CSMD1: variants seen among roughly 807,000 people sequenced by gnomAD.
The protein encoded by CSMD1 is CUB and Sushi multiple domains 1.
CSMD1 carries 213 observed loss-of-function variants against 417.5 expected under a neutral mutation model. The ratio of observed to expected loss-of-function variants is 0.51; its 90% CI spans 0.46 to 0.57. The LOEUF is 0.57. CSMD1 is among the 20% of genes least tolerant of loss of function. The probability of loss-of-function intolerance (pLI) is 0.00; values close to 1 mark genes in which losing one functional copy is unlikely to be tolerated. For synonymous variants in CSMD1, 2,862 were observed against 1,736.8 expected (o/e 1.65, Z -16.11); for missense variants, 6,923 against 4,529.7 (o/e 1.53, Z -15.17).
chr8:3,092,629 T>C (rs1815020233), intron 47 of CSMD1, among the ~76,000 whole-genome samples: 1 of 152,220 alleles, frequency 6.6e-6, no homozygotes, highest in Non-Finnish European at 1.5e-5. Flanking sequence ...CTATGGTATT[T>C]GAAATTGTTT....
chr8:4,287,731 A>T (rs950794648), intron 3 of CSMD1, among the ~76,000 whole-genome samples: 5 of 151,740 alleles, frequency 3.3e-5, no homozygotes, highest in African/African-American at 1.2e-4. Flanking sequence ...CAAGTTACAC[A>T]ACATCACACA....
chr8:4,673,140 T>A (rs775001323), intron 1 of CSMD1, among the ~76,000 whole-genome samples: 1 of 151,636 alleles, frequency 6.6e-6, no homozygotes, highest in Admixed American at 6.6e-5. Flanking sequence ...ACTGAGGACA[T>A]TGAGGGGAAA....
chr8:3,691,088 C>A (rs374940251), intron 7 of CSMD1, among the ~76,000 whole-genome samples: 1 of 151,990 alleles, frequency 6.6e-6, no homozygotes, highest in African/African-American at 2.4e-5. Flanking sequence ...ATCAATGGGC[C>A]GGGCTTGGTG....
Position 4,891,735 on chromosome 8 carries a change from GAATT to G in CSMD1, c.85+102593_85+102596del, listed in dbSNP as rs537095395. ...TTAAAGAGTTTTCAAATAAAATACT[GAATT>G]AATTATTTCCCAAAACTCCCTAGTT... On this transcript the variant is annotated intron_variant, in intron 1 of 69. Transcript: ENST00000635120. 3.0e-4 allele frequency among the ~76,000 whole-genome samples: 45 copies of G among 152,126 alleles called. No individual in the cohort carries two copies. The East Asian group carries it at 3.7e-3, about 12-fold the overall frequency.
At chr8:3,890,869 G>A (rs1180166150) in intron 5 of CSMD1, among the ~76,000 whole-genome samples, 1 of 152,110 alleles carries the variant, frequency 6.6e-6, no homozygotes, top group Non-Finnish European at 1.5e-5. Context: ...ATGAGAGGAT[G>A]AAAGAGCAAG....
intron 41 of CSMD1, among the ~76,000 whole-genome samples, chr8:3,136,889 C>G (rs1439789637): frequency 6.6e-6 from 1 of 152,062 alleles, no homozygotes; most frequent in Non-Finnish European, 1.5e-5. Context: ...CATGAATTGG[C>G]TAAATTTTTT....
chr8:4,188,816 T>C (rs1798840556), intron 3 of CSMD1, among the ~76,000 whole-genome samples: 1 of 150,752 alleles, frequency 6.6e-6, no homozygotes, highest in South Asian at 2.1e-4. Context: ...TGGGGGAGGA[T>C]GGTAATTGGG....
chr8:4,598,743 T>C (rs1478786581), intron 2 of CSMD1, among the ~76,000 whole-genome samples: 1 of 152,226 alleles, frequency 6.6e-6, no homozygotes, highest in African/African-American at 2.4e-5. Context: ...TTTATGTTTA[T>C]TGAAGCAAAA....
At chr8:3,391,902 T>C (rs1168110383) in intron 17 of CSMD1, among the ~76,000 whole-genome samples, 1 of 152,062 alleles carries the variant, frequency 6.6e-6, no homozygotes, top group Non-Finnish European at 1.5e-5. Context: ...ACAGAAGAGA[T>C]GAGCAATATT....
chr8:4,177,590 TG>T (rs1798124269), intron 3 of CSMD1, among the ~76,000 whole-genome samples: 1 of 150,654 alleles, frequency 6.6e-6, no homozygotes, highest in African/African-American at 2.4e-5. Flanking sequence ...AGAGCAGAAC[TG>T]AAGGAAATAG....
At chr8:4,845,840 T>A (rs1169004581) in intron 1 of CSMD1, among the ~76,000 whole-genome samples, 2 of 152,216 alleles carry the variant, frequency 1.3e-5, no homozygotes, top group African/African-American at 4.8e-5. Flanking sequence ...TACATACGAT[T>A]TGTAGCTGAA....
At chr8:4,017,096 G>A (rs899301545) in intron 4 of CSMD1, among the ~76,000 whole-genome samples, 2 of 152,120 alleles carry the variant, frequency 1.3e-5, no homozygotes, top group East Asian at 1.9e-4. Context: ...CAGTGACCGC[G>A]GTGTTCAGCC....
At chr8:3,420,178 G>A (rs147751321) in intron 12 of CSMD1, among the ~76,000 whole-genome samples, 11 of 152,058 alleles carry the variant, frequency 7.2e-5, no homozygotes, top group Non-Finnish European at 1.3e-4. Context: ...TTTGATAAAA[G>A]TCCTTAAAAG....
chr8:3,349,760 C>T (rs1808268515), intron 21 of CSMD1, among the ~76,000 whole-genome samples: 1 of 141,574 alleles, frequency 7.1e-6, no homozygotes, highest in Admixed American at 7.2e-5. Context: ...ATAGTTATAG[C>T]TATAAAATAG....
intron 6 of CSMD1, among the ~76,000 whole-genome samples, chr8:3,729,908 T>G (rs1190910428): frequency 8.7e-6 from 1 of 114,880 alleles, no homozygotes; most frequent in African/African-American, 3.7e-5. Context: ...GAATTATTAT[T>G]TGCCAATTCA....
intron 3 of CSMD1, among the ~76,000 whole-genome samples, chr8:4,308,973 T>A (rs920709674): frequency 1.1e-4 from 16 of 152,204 alleles, no homozygotes; most frequent in African/African-American, 1.9e-4. Flanking sequence ...CCTTCTGACA[T>A]AATGTTGAAC....
chr8:4,409,228 G>C (rs958002998), intron 3 of CSMD1, among the ~76,000 whole-genome samples: 1 of 152,016 alleles, frequency 6.6e-6, no homozygotes, highest in South Asian at 2.1e-4. Flanking sequence ...GATGAAATTC[G>C]AATGCATTTT....
chr8:3,701,892 C>A (rs1326224822), intron 7 of CSMD1, among the ~76,000 whole-genome samples: 1 of 152,118 alleles, frequency 6.6e-6, no homozygotes, highest in Non-Finnish European at 1.5e-5. Flanking sequence ...TTATGAAGGA[C>A]AAGAGTCCAT....
chr8:4,493,860 A>G (rs1296437010), intron 2 of CSMD1, among the ~76,000 whole-genome samples: 1 of 152,228 alleles, frequency 6.6e-6, no homozygotes, highest in African/African-American at 2.4e-5. Flanking sequence ...AGTTCCAGCC[A>G]TGACTGACCT....
Sources: gnomAD v4.1 joint callset for allele counts (sites outside exome capture counted in the v4.1 genomes callset) on GRCh38, gnomAD v4.1.1 for gene constraint, MANE v1.5 for transcripts, NCBI Gene and HGNC (gene_info 2026-07-23, HGNC 2026-07-21) for gene names.